Variants in CENPP observed in about 807,000 individuals in gnomAD.
The protein encoded by CENPP is centromere protein P.
In CENPP, 24 loss-of-function variants were observed where a neutral mutation model predicts 35.6. That is an observed-to-expected ratio of 0.67 (90% CI 0.49 to 0.95). The LOEUF (loss-of-function observed/expected upper bound fraction) is 0.95. CENPP is among the 40% of genes least tolerant of loss of function. The pLI is 0.00. For missense variants in CENPP, 332 were observed against 345.3 expected, an observed-to-expected ratio of 0.96 and a Z score of 0.31; for synonymous variants, 120 against 125.5, an observed-to-expected ratio of 0.96 and a Z score of 0.29.
At chr9:92,425,912 A>G (rs17519397) in intron 5 of CENPP, among the ~76,000 whole-genome samples, 4,710 of 152,322 alleles carry the variant, frequency 0.031, 112 homozygotes, top group South Asian at 0.084. Context: ...AGGCCTTCAC[A>G]GTCCTTTTGG....
intron 4 of CENPP, among the ~76,000 whole-genome samples, chr9:92,359,837 T>C (rs1222215568): frequency 6.6e-6 from 1 of 151,782 alleles, no homozygotes; most frequent in South Asian, 2.1e-4. Context: ...GTGTGTAAGC[T>C]GCTCTGGTTA....
intron 5 of CENPP, among the ~76,000 whole-genome samples, chr9:92,487,158 T>C (rs1846079076): frequency 6.6e-6 from 1 of 152,214 alleles, no homozygotes; most frequent in Non-Finnish European, 1.5e-5. Context: ...TTGTTTTAAA[T>C]AAATTTCTTA....
intron 5 of CENPP, chr9:92,514,871 C>G: frequency 6.2e-7 from 1 of 1,613,366 alleles, no homozygotes; most frequent in South Asian, 1.1e-5. Context: ...TCATCCTCCT[C>G]CTCCTCCCTT....
intron 2 of CENPP, among the ~76,000 whole-genome samples, chr9:92,333,251 A>G (rs2130780689): frequency 2.0e-5 from 3 of 152,330 alleles, no homozygotes; most frequent in East Asian, 3.9e-4. Flanking sequence ...TGACTTTTCC[A>G]CTGAAAATTA....
At chr9:92,582,230 AT>A (rs376988252) in intron 5 of CENPP, among the ~76,000 whole-genome samples, 1 of 151,392 alleles carries the variant, frequency 6.6e-6, no homozygotes, top group African/African-American at 2.4e-5. Flanking sequence ...ATTTTTTTGT[AT>A]TTTTTTTGTA....
intron 5 of CENPP, among the ~76,000 whole-genome samples, chr9:92,449,214 G>A (rs945389455): frequency 3.3e-5 from 5 of 152,042 alleles, no homozygotes; most frequent in East Asian, 1.9e-4. Flanking sequence ...AGGCCAAGGC[G>A]GGCGGACACG....
intron 5 of CENPP, among the ~76,000 whole-genome samples, chr9:92,451,898 T>A (rs1844721229): frequency 3.3e-5 from 5 of 150,808 alleles, no homozygotes; most frequent in African/African-American, 9.7e-5. Context: ...GGCTCTCTGT[T>A]TGTCTGTTAT....
intron 5 of CENPP, among the ~76,000 whole-genome samples, chr9:92,449,219 G>A (rs936549613): frequency 1.6e-4 from 24 of 151,944 alleles, no homozygotes; most frequent in Admixed American, 9.2e-4. Flanking sequence ...AAGGCGGGCG[G>A]ACACGAGGTC....
intron 5 of CENPP, among the ~76,000 whole-genome samples, chr9:92,435,417 C>T (rs1438539145): frequency 6.6e-6 from 1 of 151,984 alleles, no homozygotes; most frequent in Non-Finnish European, 1.5e-5. Flanking sequence ...AACCGTGTAC[C>T]CTTTACCCAG....
intron 4 of CENPP, among the ~76,000 whole-genome samples, chr9:92,378,193 G>A (rs907108150): frequency 6.6e-6 from 1 of 152,120 alleles, no homozygotes. Flanking sequence ...TCTTATTGTT[G>A]GCAGTGATGG....
chr9:92,351,475 CAAAAAA>C (rs34297687), intron 4 of CENPP, among the ~76,000 whole-genome samples: 2 of 132,546 alleles, frequency 1.5e-5, no homozygotes, highest in African/African-American at 2.6e-5. Context: ...GAGACTATCT[CAAAAAA>C]AAAAAAAAAA....
intron 5 of CENPP, among the ~76,000 whole-genome samples, chr9:92,546,501 C>G (rs1217993271): frequency 1.3e-5 from 2 of 152,192 alleles, no homozygotes; most frequent in South Asian, 2.1e-4. Context: ...GAGAAAAGAA[C>G]AACTCCAGAC....
chr9:92,596,010 G>A (rs1410997184), intron 5 of CENPP, among the ~76,000 whole-genome samples: 1 of 152,094 alleles, frequency 6.6e-6, no homozygotes, highest in South Asian at 2.1e-4. Context: ...CATCAAGTAT[G>A]AGGGAAAAAT....
At chr9:92,491,306 CG>C (rs1003808892) in intron 5 of CENPP, among the ~76,000 whole-genome samples, 1 of 151,992 alleles carries the variant, frequency 6.6e-6, no homozygotes, top group African/African-American at 2.4e-5. Context: ...CACTGAATAG[CG>C]GGGGTTTTGT....
At chr9:92,606,970 T>TAAC (rs987607693) in intron 5 of CENPP, among the ~76,000 whole-genome samples, 2 of 151,812 alleles carry the variant, frequency 1.3e-5, no homozygotes, top group Non-Finnish European at 2.9e-5. Flanking sequence ...CTCAAAATAA[T>TAAC]AACAATAATA....
chr9:92,397,253 C>T (rs1409760271), intron 5 of CENPP, among the ~76,000 whole-genome samples: 1 of 152,116 alleles, frequency 6.6e-6, no homozygotes, highest in Non-Finnish European at 1.5e-5. Flanking sequence ...CAAGATGTCC[C>T]AAACTAACCT....
chr9:92,563,009 G>C (rs533197831), intron 5 of CENPP, among the ~76,000 whole-genome samples: 5 of 152,032 alleles, frequency 3.3e-5, no homozygotes, highest in Admixed American at 6.6e-5. Flanking sequence ...ATTAATATTA[G>C]CTGTTTTTAT....
intron 4 of CENPP, among the ~76,000 whole-genome samples, chr9:92,352,023 CTTTT>C (rs113545279): frequency 7.6e-6 from 1 of 132,450 alleles, no homozygotes; most frequent in Non-Finnish European, 1.6e-5. Flanking sequence ...TTTTCTTTTC[CTTTT>C]TTTTTTTTTT....
intron 5 of CENPP, among the ~76,000 whole-genome samples, chr9:92,564,193 C>G (rs1021333734): frequency 6.6e-6 from 1 of 151,944 alleles, no homozygotes; most frequent in Non-Finnish European, 1.5e-5. Context: ...TCAAGACCAG[C>G]CTGGCCAACA....
Sources: allele counts gnomAD v4.1 joint callset (sites outside exome capture counted in the v4.1 genomes callset), GRCh38; gene constraint gnomAD v4.1.1; transcripts MANE v1.5; gene names NCBI Gene and HGNC (gene_info 2026-07-23, HGNC 2026-07-21).